DOCK4: variants seen among roughly 807,000 people sequenced by gnomAD.
The protein encoded by DOCK4 is dedicator of cytokinesis 4, also known as dedicator of cytokinesis protein 4.
In DOCK4, 97 loss-of-function variants were observed where a neutral mutation model predicts 268.1. The observed-to-expected ratio is 0.36, with a 90% CI of 0.31 to 0.43. The LOEUF is 0.43. Among genes scored for constraint, DOCK4 ranks in the 20% least tolerant of loss-of-function variants. DOCK4 has a pLI of 1.00. For synonymous variants in DOCK4, 954 were observed against 887.2 expected (o/e 1.08, Z -1.34); for missense variants, 2,145 against 2,455.7 (o/e 0.87, Z 2.67).
At chr7:112,058,222 C>A (rs1220537187) in intron 1 of DOCK4, among the ~76,000 whole-genome samples, 1 of 151,802 alleles carries the variant, frequency 6.6e-6, no homozygotes, top group Non-Finnish European at 1.5e-5. Context: ...TTTATCCACA[C>A]CATGGGAAAT....
chr7:112,170,315 G>A (rs926239797), intron 1 of DOCK4, among the ~76,000 whole-genome samples: 3 of 151,820 alleles, frequency 2.0e-5, no homozygotes, highest in Non-Finnish European at 4.4e-5. Context: ...AAAAAAATTA[G>A]CCAGGCATGG....
intron 40 of DOCK4, among the ~76,000 whole-genome samples, chr7:111,759,219 A>G (rs1402447000): frequency 6.6e-6 from 1 of 152,218 alleles, no homozygotes; most frequent in Non-Finnish European, 1.5e-5. Context: ...TAACATGTAA[A>G]TACCTATGCA....
chr7:111,735,033 T>G, intron 51 of DOCK4, 21 bp downstream of exon 51: 1 of 1,523,132 alleles, frequency 6.6e-7, no homozygotes, highest in East Asian at 2.4e-5. Context: ...AAGTGATCAT[T>G]CAAATTCTTC....
chr7:111,731,887 T>G (rs1298453072), intron 52 of DOCK4, among the ~76,000 whole-genome samples: 1 of 152,158 alleles, frequency 6.6e-6, no homozygotes, highest in Non-Finnish European at 1.5e-5. Context: ...TGATGTACCT[T>G]AAACTAAAAG....
chr7:111,924,026 C>G (rs544492232), intron 12 of DOCK4, among the ~76,000 whole-genome samples: 1 of 152,126 alleles, frequency 6.6e-6, no homozygotes, highest in Non-Finnish European at 1.5e-5. Flanking sequence ...TATACCAGTG[C>G]CTTGAGTAAC....
chr7:111,813,533 C>T (rs982370505), intron 27 of DOCK4, among the ~76,000 whole-genome samples: 2 of 152,122 alleles, frequency 1.3e-5, no homozygotes, highest in African/African-American at 4.8e-5. Flanking sequence ...CATGGGCATT[C>T]GCTCTACCAT....
At chr7:111,797,153 C>A (rs1413019764) in intron 30 of DOCK4, among the ~76,000 whole-genome samples, 1 of 152,180 alleles carries the variant, frequency 6.6e-6, no homozygotes, top group Non-Finnish European at 1.5e-5. Context: ...AAAAGCAACT[C>A]ATTTTCTTTT....
At chr7:111,940,315 A>C in intron 10 of DOCK4, 73 bp from the exon 11 acceptor site, 1 of 1,595,258 alleles carries the variant, frequency 6.3e-7, no homozygotes, top group South Asian at 1.1e-5. Flanking sequence ...CGAAACATAC[A>C]GCTATAAGAT....
intron 1 of DOCK4, among the ~76,000 whole-genome samples, chr7:112,055,772 G>C (rs961190704): frequency 3.9e-5 from 6 of 151,974 alleles, no homozygotes; most frequent in Non-Finnish European, 8.8e-5. Flanking sequence ...GCCAGGTGTG[G>C]TGGTGGGCGC....
At chr7:112,120,338 T>C (rs1812621776) in intron 1 of DOCK4, among the ~76,000 whole-genome samples, 1 of 152,334 alleles carries the variant, frequency 6.6e-6, no homozygotes. Flanking sequence ...TAAAACTGTT[T>C]AGTAGCGCTA....
intron 13 of DOCK4, among the ~76,000 whole-genome samples, chr7:111,911,847 C>T (rs1049013816): frequency 6.6e-6 from 1 of 152,014 alleles, no homozygotes; most frequent in Admixed American, 6.6e-5. Flanking sequence ...CATCAATTTG[C>T]TTCCCAGTGG....
intron 13 of DOCK4, among the ~76,000 whole-genome samples, chr7:111,911,190 G>A (rs1194241543): frequency 1.3e-4 from 20 of 151,892 alleles, no homozygotes; most frequent in African/African-American, 4.8e-4. Context: ...GACACATCTA[G>A]ACAATGAAAA....
intron 1 of DOCK4, among the ~76,000 whole-genome samples, chr7:112,018,814 T>C (rs1364732458): frequency 6.6e-6 from 1 of 152,162 alleles, no homozygotes; most frequent in Non-Finnish European, 1.5e-5. Flanking sequence ...GAGATAAATT[T>C]TCCAAAATAT....
At chr7:111,816,192 A>G (rs1051858822) in intron 27 of DOCK4, among the ~76,000 whole-genome samples, 1 of 152,074 alleles carries the variant, frequency 6.6e-6, no homozygotes, top group Non-Finnish European at 1.5e-5. Context: ...AATTACTCCA[A>G]TTTGATAATC....
chr7:112,059,834 T>C (rs75017656), intron 1 of DOCK4, among the ~76,000 whole-genome samples: 5,517 of 152,246 alleles, frequency 0.036, 329 homozygotes, highest in African/African-American at 0.13. Context: ...AGATAGCATA[T>C]CTAATTGTAC....
intron 8 of DOCK4, among the ~76,000 whole-genome samples, chr7:111,963,233 A>T (rs7781432): frequency 0.3 from 45,358 of 150,732 alleles, 8,699 homozygotes; most frequent in African/African-American, 0.55. Context: ...ACAGCTCCGG[A>T]CTACAGCTCC....
At chr7:112,163,512 C>T (rs928088726) in intron 1 of DOCK4, among the ~76,000 whole-genome samples, 6 of 152,158 alleles carry the variant, frequency 3.9e-5, no homozygotes, top group African/African-American at 1.4e-4. Context: ...CCAATGTCAG[C>T]CAATGAATGG....
At chr7:112,145,452 G>A (rs1219802875) in intron 1 of DOCK4, among the ~76,000 whole-genome samples, 1 of 152,180 alleles carries the variant, frequency 6.6e-6, no homozygotes, top group Non-Finnish European at 1.5e-5. Context: ...TATGTTGTTT[G>A]GGAAAAGGGC....
chr7:111,914,834 TTTC>T (rs1264686015), intron 13 of DOCK4, among the ~76,000 whole-genome samples: 2 of 152,218 alleles, frequency 1.3e-5, no homozygotes, highest in Non-Finnish European at 2.9e-5. Context: ...GTCCTATGGG[TTTC>T]TTCTGTTGTG....
Sources: gnomAD v4.1 joint callset for allele counts (sites outside exome capture counted in the v4.1 genomes callset) on GRCh38, gnomAD v4.1.1 for gene constraint, MANE v1.5 for transcripts, NCBI Gene and HGNC (gene_info 2026-07-23, HGNC 2026-07-21) for gene names.